The following SNX7 variants were observed in gnomAD, a reference collection of about 807,000 sequenced individuals.
SNX7 encodes the protein sorting nexin-7.
A neutral mutation model predicts 48.4 loss-of-function variants in SNX7; 35 were observed. The ratio of observed to expected loss-of-function variants is 0.72; its 90% CI spans 0.55 to 0.96. SNX7 has a LOEUF of 0.96. SNX7 is among the 40% of genes least tolerant of loss of function. The probability of loss-of-function intolerance (pLI) is 0.00; values close to 1 mark genes in which losing one functional copy is unlikely to be tolerated. For missense variants in SNX7, 553 were observed against 548.9 expected (o/e 1.01, Z -0.07); for synonymous variants, 190 against 190.2 (o/e 1.00, Z 0.01).
At chr1:98,696,164 TTTC>T (rs1651445862) in intron 5 of SNX7, among the ~76,000 whole-genome samples, 2 of 152,064 alleles carry the variant, frequency 1.3e-5, no homozygotes, top group Non-Finnish European at 2.9e-5. Context: ...CTTTTCCTAT[TTTC>T]TTTTTTTTTT....
intron 6 of SNX7, 83 bp from the exon 7 acceptor site, chr1:98,701,734 T>C (rs932929798): frequency 1.2e-6 from 1 of 838,176 alleles, no homozygotes. Flanking sequence ...ATGCTATTTA[T>C]ATTCTGAAAT....
At chr1:98,702,925 A>C (rs1651825346) in intron 7 of SNX7, among the ~76,000 whole-genome samples, 1 of 152,040 alleles carries the variant, frequency 6.6e-6, no homozygotes, top group South Asian at 2.1e-4. Context: ...CTTCCCTGTA[A>C]ATCTGTAATA....
At chr1:98,746,850 A>C in intron 8 of SNX7, among the ~76,000 whole-genome samples, 1 of 152,014 alleles carries the variant, frequency 6.6e-6, no homozygotes, top group East Asian at 1.9e-4. Flanking sequence ...CCGGGAGGTA[A>C]ATCTAAAATC....
At chr1:98,667,914 A>C (rs1175648053) in intron 1 of SNX7, among the ~76,000 whole-genome samples, 4 of 151,718 alleles carry the variant, frequency 2.6e-5, no homozygotes, top group Non-Finnish European at 5.9e-5. Flanking sequence ...ATTAGGAAAA[A>C]AAAAACAAAA....
intron 6 of SNX7, among the ~76,000 whole-genome samples, chr1:98,699,458 G>A (rs1371133765): frequency 6.6e-6 from 1 of 152,036 alleles, no homozygotes; most frequent in African/African-American, 2.4e-5. Flanking sequence ...TTCAAGTTAA[G>A]GTTTCCAGAT....
At chr1:98,675,110 A>G (rs1650089428) in intron 1 of SNX7, among the ~76,000 whole-genome samples, 1 of 152,190 alleles carries the variant, frequency 6.6e-6, no homozygotes, top group Admixed American at 6.5e-5. Context: ...TGGAGGTGAG[A>G]CCTTTGTTTG....
At position 98,663,285 on chromosome 1, in the gene SNX7, T is replaced by G. The variant is rs1649363809; in HGVS notation, c.180+1374T>G. On this transcript the variant is annotated intron_variant, in intron 1 of 8. Transcript: ENST00000306121. ...TTTTTTTTTTTTTTTTTTTTTTTTT[T>G]TTTTTTTGTCGGGGCTGGACCCATC... Among the ~76,000 whole-genome samples the G allele has an allele frequency of 2.1e-5, 2 of 94,100 alleles. 1 individual carries two copies. 61.7% of individuals were successfully genotyped at this position (94,100 alleles called of 152,430 possible).
chr1:98,714,365 G>A (rs1303973648), intron 7 of SNX7, among the ~76,000 whole-genome samples: 1 of 152,110 alleles, frequency 6.6e-6, no homozygotes, highest in East Asian at 1.9e-4. Flanking sequence ...CGGGAAAATT[G>A]AGTCCTAGAG....
At chr1:98,684,339 A>G (rs913917313) in intron 1 of SNX7, among the ~76,000 whole-genome samples, 4 of 152,170 alleles carry the variant, frequency 2.6e-5, no homozygotes, top group Non-Finnish European at 5.9e-5. Context: ...AATAATAGAA[A>G]TTGATTTCTC....
intron 8 of SNX7, among the ~76,000 whole-genome samples, chr1:98,751,542 T>C (rs1455984301): frequency 6.6e-6 from 1 of 152,046 alleles, no homozygotes; most frequent in African/African-American, 2.4e-5. Context: ...AAATTGCACT[T>C]GACTTTGGCT....
At chr1:98,736,883 C>G (rs148390796) in intron 7 of SNX7, among the ~76,000 whole-genome samples, 10 of 152,248 alleles carry the variant, frequency 6.6e-5, no homozygotes, top group Non-Finnish European at 1.3e-4. Flanking sequence ...TGGCCTCTCA[C>G]AAATACTTTG....
At chr1:98,750,792 T>TC (rs1654543709) in intron 8 of SNX7, among the ~76,000 whole-genome samples, 1 of 152,148 alleles carries the variant, frequency 6.6e-6, no homozygotes, top group Admixed American at 6.6e-5. Flanking sequence ...AAAATATTTC[T>TC]CATATATTTA....
At chr1:98,661,691 T>C (rs1570470418), upstream of SNX7, 1 of 1,198,628 alleles carries the variant, frequency 8.3e-7, no homozygotes, top group Non-Finnish European at 1.0e-6. Context: ...GGAGCCGGGC[T>C]GGCGGCGGCG....
At chr1:98,695,752 T>C in intron 5 of SNX7, 36 bp downstream of exon 5, 1 of 1,405,822 alleles carries the variant, frequency 7.1e-7, no homozygotes, top group East Asian at 2.3e-5. Flanking sequence ...TTCAAAGTTG[T>C]TCAGTTTCTG....
chr1:98,735,590 GGAA>G (rs1488932800), intron 7 of SNX7, among the ~76,000 whole-genome samples: 1 of 152,034 alleles, frequency 6.6e-6, no homozygotes, highest in African/African-American at 2.4e-5. Context: ...CTAAAATACT[GGAA>G]GAAGACAGTG....
intron 1 of SNX7, among the ~76,000 whole-genome samples, chr1:98,681,780 T>A (rs551916599): frequency 5.9e-5 from 9 of 152,106 alleles, no homozygotes; most frequent in African/African-American, 2.2e-4. Context: ...TTCAAAAGGG[T>A]CTGTGGATTA....
intron 7 of SNX7, among the ~76,000 whole-genome samples, chr1:98,708,467 T>TA (rs1652129911): frequency 6.6e-6 from 1 of 152,126 alleles, no homozygotes; most frequent in Non-Finnish European, 1.5e-5. Context: ...CAGTTACAGA[T>TA]ACCTGAAAAA....
intron 2 of SNX7, among the ~76,000 whole-genome samples, chr1:98,686,670 C>A (rs529866844): frequency 6.6e-6 from 1 of 152,182 alleles, no homozygotes; most frequent in African/African-American, 2.4e-5. Context: ...TGATTTCTCT[C>A]CTTCCTTGCT....
At chr1:98,726,044 G>A (rs1653146676) in intron 7 of SNX7, among the ~76,000 whole-genome samples, 1 of 152,024 alleles carries the variant, frequency 6.6e-6, no homozygotes, top group African/African-American at 2.4e-5. Context: ...TAAGTGAGAG[G>A]GCAGATTCAT....
Sources: allele counts gnomAD v4.1 joint callset (sites outside exome capture counted in the v4.1 genomes callset), GRCh38; gene constraint gnomAD v4.1.1; transcripts MANE v1.5; gene names NCBI Gene and HGNC (gene_info 2026-07-23, HGNC 2026-07-21).